The following METTL3 variants were observed in gnomAD, a reference collection of about 807,000 sequenced individuals.
METTL3 encodes the protein methyltransferase 3, N6-adenosine-methyltransferase complex catalytic subunit.
A neutral mutation model predicts 64.3 loss-of-function variants in METTL3; 42 were observed. That is an observed-to-expected ratio of 0.65 (90% confidence interval 0.51 to 0.84). The LOEUF (loss-of-function observed/expected upper bound fraction) is 0.84. METTL3 is among the 40% of genes least tolerant of loss of function. METTL3 has a pLI of 0.00. For missense variants in METTL3, 435 were observed against 722.3 expected, an observed-to-expected ratio of 0.60 and a Z score of 4.56; for synonymous variants, 256 against 263.6, an observed-to-expected ratio of 0.97 and a Z score of 0.28.
chr14:21,510,542 G>C (rs1891807706), intron 1 of METTL3: 1 of 152,160 alleles, frequency 6.6e-6, no homozygotes, highest in South Asian at 2.1e-4. Flanking sequence ...AACAGGAGAA[G>C]AGAAAAAGTT....
At chr14:21,501,277 A>G in intron 4 of METTL3, 148 bp from the exon 5 acceptor site, 1 of 641,758 alleles carries the variant, frequency 1.6e-6, no homozygotes. Flanking sequence ...GGAGGCAGGT[A>G]GCATGGAAAT....
intron 1 of METTL3, among the ~76,000 whole-genome samples, chr14:21,507,079 G>A (rs1891715716): frequency 6.6e-6 from 1 of 152,074 alleles, no homozygotes; most frequent in African/African-American, 2.4e-5. Context: ...TACTCGGGAG[G>A]CTGAGGCAGG....
chr14:21,499,799 G>T lies in METTL3; in HGVS notation c.1308C>A (p.Ala436=). The part of the protein sequence containing the change: ...GFLFLWVTGR[A]MELGRECLNL... ...TTAGACATTCTCTCCCCAACTCCAT[G>T]GCCCTAGAAAGAAATGAGTTAAACA... Residue 436 remains alanine, a synonymous_variant, in exon 7 of 11, where the codon GCC becomes GCA. Transcript: ENST00000298717. The T allele has an allele frequency of 6.2e-7, 1 of 1,612,950 alleles. No homozygotes were observed. Among genetic ancestry groups the T allele is most frequent in the Non-Finnish European group, 8.5e-7 (1 of 1,179,188 alleles).
At chr14:21,508,095 G>A (rs1267651272) in intron 1 of METTL3, 2 of 151,908 alleles carry the variant, frequency 1.3e-5, no homozygotes, top group Non-Finnish European at 2.9e-5. Context: ...TTTCTACAAA[G>A]AAATAAAAAT....
Position 21,511,270 on chromosome 14 carries a change from A to T in METTL3, c.-47T>A. Reference sequence around the variant, plus strand: ...CCTCTCGAATAAGGCGCGGCGGACTAGCACCTCCCAGCACTCGCTCCAGGA... The same window carrying T: ...CCTCTCGAATAAGGCGCGGCGGACTTGCACCTCCCAGCACTCGCTCCAGGA... On this transcript the variant is annotated 5_prime_UTR_variant, in exon 1 of 11. Coordinates refer to ENST00000298717, the MANE Select transcript of METTL3 (RefSeq NM_019852.5). The T allele has an allele frequency of 6.3e-7, 1 of 1,581,344 alleles. No homozygotes were observed. Among genetic ancestry groups the T allele is most frequent in the Non-Finnish European group, 8.6e-7 (1 of 1,164,192 alleles).
At chr14:21,499,164 T>A in intron 9 of METTL3, 27 bp from the exon 10 acceptor site, 1 of 1,598,522 alleles carries the variant, frequency 6.3e-7, no homozygotes, top group Non-Finnish European at 8.6e-7. Flanking sequence ...AGCTGCTTTT[T>A]AAGTTACACA....
intron 1 of METTL3, chr14:21,510,622 G>T (rs534447991): frequency 5.4e-4 from 82 of 152,446 alleles, no homozygotes; most frequent in Non-Finnish European, 1.1e-3. Context: ...GCCGGTAGGG[G>T]TACTCATTCA....
intron 8 of METTL3, 29 bp from the exon 9 acceptor site, chr14:21,499,400 A>AT: frequency 6.2e-7 from 1 of 1,613,678 alleles, no homozygotes; most frequent in South Asian, 1.1e-5. Flanking sequence ...AGATTACCTT[A>AT]TGAAACCACA....
intron 10 of METTL3, chr14:21,498,726 A>G (rs908286976): frequency 1.1e-5 from 5 of 459,290 alleles, no homozygotes; most frequent in Non-Finnish European, 1.6e-5. Flanking sequence ...TTAAATAGAT[A>G]ACTTCGTAAC....
Position 21,511,236 on chromosome 14 carries a change from G to C in METTL3, c.-13C>G. 1.2e-6 allele frequency: 2 copies of C among 1,612,012 alleles called. No homozygotes were observed. The highest frequency in any genetic ancestry group is 2.2e-5 in the East Asian group (1 of 44,734). On this transcript the variant is annotated 5_prime_UTR_variant, in exon 1 of 11. Transcript: ENST00000298717. Reference sequence around the variant, plus strand: ...ACGTGTCCGACATCCTAGTCTCCCAGCCCTGACACCTCTCGAATAAGGCGC... The same window carrying C: ...ACGTGTCCGACATCCTAGTCTCCCACCCCTGACACCTCTCGAATAAGGCGC...
intron 3 of METTL3, 109 bp from the exon 4 acceptor site, chr14:21,502,012 C>CAT: frequency 2.2e-6 from 1 of 457,332 alleles, no homozygotes; most frequent in Non-Finnish European, 3.7e-6. Flanking sequence ...GATAAATCAA[C>CAT]TTTTTTTTTT....
intron 3 of METTL3, 139 bp downstream of exon 3, chr14:21,503,034 C>A: frequency 4.3e-6 from 4 of 927,476 alleles, no homozygotes; most frequent in Non-Finnish European, 4.9e-6. Flanking sequence ...TTACCAGATC[C>A]CCTGGGAGTT....
intron 1 of METTL3, chr14:21,504,773 T>C (rs1027365838): frequency 3.1e-5 from 4 of 127,752 alleles, no homozygotes; most frequent in African/African-American, 1.3e-4. Flanking sequence ...TCTACTAAAA[T>C]ACAAAAAAAA....
intron 1 of METTL3, among the ~76,000 whole-genome samples, chr14:21,506,270 C>T (rs1015354096): frequency 1.3e-5 from 2 of 151,880 alleles, no homozygotes; most frequent in South Asian, 2.1e-4. Flanking sequence ...AGCGGGGTCT[C>T]GGCCGGGCGT....
At chr14:21,500,747 C>G in intron 5 of METTL3, 65 bp from the exon 6 acceptor site, 1 of 1,526,526 alleles carries the variant, frequency 6.6e-7, no homozygotes. Context: ...CCGAGTCCCT[C>G]TTTTCCATTT....
At position 21,511,163 on chromosome 14, in the gene METTL3, T is replaced by G. The variant is rs1426338211; in HGVS notation, c.61A>C (p.Arg21=). The G allele has an allele frequency of 6.2e-7, 1 of 1,613,852 alleles. No individual in the cohort carries two copies. Among genetic ancestry groups the G allele is most frequent in the Non-Finnish European group, 8.5e-7 (1 of 1,179,984 alleles). The part of the protein sequence containing the change: ...HKKQLDSLRE[R]LQRRRKQDSG... Reference sequence around the variant, plus strand: ...TCCTGCTTCCGCCTCCGCTGCAGCCTCTCCCGCAGAGAGTCCAGCTGCTTC... The same window carrying G: ...TCCTGCTTCCGCCTCCGCTGCAGCCGCTCCCGCAGAGAGTCCAGCTGCTTC... The change falls in exon 1 of 11, where the codon AGG becomes CGG. Residue 21 remains arginine, a synonymous_variant. Transcript: ENST00000298717.
Position 21,499,054 on chromosome 14 carries a change from A to T in METTL3, c.1602T>A (p.Phe534Leu). 6.2e-7 allele frequency: 1 copy of T among 1,614,192 alleles called. No individual in the cohort carries two copies. Among genetic ancestry groups the T allele is most frequent in the Non-Finnish European group, 8.5e-7 (1 of 1,180,014 alleles). ...TGGGTTGCACATTGTGTGGTCGTCCAAATAACTCAATCTTGCGAGTGCCAG... is the reference window on the plus strand; with the variant it reads ...TGGGTTGCACATTGTGTGGTCGTCCTAATAACTCAATCTTGCGAGTGCCAG... ...LSPGTRKIEL[F>L]GRPHNVQPNW... Residue 534 changes from phenylalanine to leucine, a missense_variant, in exon 10 of 11, where the codon TTT becomes TTA. By Grantham distance (22) the Phe-to-Leu change is conservative. Around this residue, in one of 9 missense-constraint regions of METTL3, gnomAD observed 38 missense variants for 102.3 expected, o/e 0.37. Coordinates refer to ENST00000298717, the MANE Select transcript of METTL3 (RefSeq NM_019852.5).
In METTL3 at chr14:21,503,510, A is replaced by G; in HGVS notation, c.386T>C (p.Ile129Thr). The G allele has an allele frequency of 1.9e-6, 3 of 1,612,080 alleles. No homozygotes were observed. Among genetic ancestry groups the G allele is most frequent in the South Asian group, 1.1e-5 (1 of 91,080 alleles). Residue 129 changes from isoleucine to threonine, a missense_variant, in exon 3 of 11, where the codon ATT (isoleucine) becomes ACT (threonine). Physicochemically the swap from Ile to Thr is moderately conservative, Grantham distance 89. Transcript: ENST00000298717. ...TTGTAGGAGACCTCGCTTTACCTCA[A>G]TCAACTCCTGAGCTGCAAACTTCTG... ...LLQKFAAQEL[I>T]EVKRGLLQDD...
At position 21,503,164 on chromosome 14, in the gene METTL3, G is replaced by A. The variant is rs778857845; in HGVS notation, c.723+9C>T. The A allele has an allele frequency of 1.3e-6, 2 of 1,596,646 alleles. No individual in the cohort carries two copies. Among genetic ancestry groups the A allele is most frequent in the East Asian group, 2.2e-5 (1 of 44,724 alleles). Reference sequence around the variant, plus strand: ...GCATATTGTGAGAGTATTTTCACATGACCCCTACCTTCTTGCTCTGTTGTT... The same window carrying A: ...GCATATTGTGAGAGTATTTTCACATAACCCCTACCTTCTTGCTCTGTTGTT... On this transcript the variant is annotated intron_variant, in intron 3 of 10. Coordinates refer to ENST00000298717, the MANE Select transcript of METTL3 (RefSeq NM_019852.5).
Sources: gnomAD v4.1 joint callset for allele counts (sites outside exome capture counted in the v4.1 genomes callset) on GRCh38, gnomAD v4.1.1 for gene constraint, gnomAD v4.1.1 regional missense constraint, MANE v1.5 for transcripts, NCBI Gene and HGNC (gene_info 2026-07-23, HGNC 2026-07-21) for gene names.